CSMD3: variants seen among roughly 807,000 people sequenced by gnomAD.
CSMD3 encodes the protein CUB and sushi domain-containing protein 3.
Under a neutral mutation model 435.2 loss-of-function variants are expected in CSMD3, and 177 were observed. The ratio of observed to expected loss-of-function variants is 0.41; its 90% CI spans 0.36 to 0.46. The LOEUF is 0.46. CSMD3 is among the 20% of genes least tolerant of loss of function. CSMD3 has a pLI of 0.34. For missense variants in CSMD3, 4,265 were observed against 4,504.6 expected (o/e 0.95, Z 1.52); for synonymous variants, 1,656 against 1,520.5 (o/e 1.09, Z -2.07).
chr8:113,282,111 C>G (rs576789535), intron 2 of CSMD3, among the ~76,000 whole-genome samples: 2 of 151,968 alleles, frequency 1.3e-5, no homozygotes, highest in East Asian at 3.9e-4. Flanking sequence ...AAACCCATAG[C>G]CAACATAATA....
At chr8:112,276,328 T>C (rs1386534674) in intron 59 of CSMD3, among the ~76,000 whole-genome samples, 1 of 152,200 alleles carries the variant, frequency 6.6e-6, no homozygotes, top group Admixed American at 6.5e-5. Flanking sequence ...TGAGTAACTG[T>C]GACTTTTCCA....
intron 30 of CSMD3, among the ~76,000 whole-genome samples, chr8:112,497,731 A>G (rs1311565556): frequency 1.3e-5 from 2 of 152,024 alleles, no homozygotes; most frequent in Non-Finnish European, 2.9e-5. Context: ...TTTTACAATG[A>G]TCATTATAAA....
chr8:112,584,692 A>C (rs1260093716), intron 23 of CSMD3, among the ~76,000 whole-genome samples: 1 of 151,782 alleles, frequency 6.6e-6, no homozygotes, highest in African/African-American at 2.4e-5. Context: ...CATTCCAAAA[A>C]ATATAATCAA....
chr8:112,809,272 G>T (rs140327265), intron 12 of CSMD3, among the ~76,000 whole-genome samples: 20 of 152,096 alleles, frequency 1.3e-4, no homozygotes, highest in Non-Finnish European at 2.9e-5. Flanking sequence ...CAGGAGATTC[G>T]ATTTATCTGA....
intron 5 of CSMD3, among the ~76,000 whole-genome samples, chr8:113,070,355 A>G (rs1002671185): frequency 6.6e-6 from 1 of 152,076 alleles, no homozygotes; most frequent in African/African-American, 2.4e-5. Flanking sequence ...AGTAAAAAGG[A>G]TGAGAAAATT....
chr8:113,141,024 C>G (rs533214226), intron 4 of CSMD3, among the ~76,000 whole-genome samples: 38 of 149,408 alleles, frequency 2.5e-4, no homozygotes, highest in African/African-American at 9.0e-4. Context: ...CACTAAAGAC[C>G]CTGAAGATAG....
intron 42 of CSMD3, among the ~76,000 whole-genome samples, chr8:112,338,679 G>T (rs1288943357): frequency 2.0e-5 from 3 of 152,042 alleles, no homozygotes; most frequent in African/African-American, 7.2e-5. Flanking sequence ...TAGGACTAAA[G>T]ATTTCAGAAT....
At chr8:113,073,495 G>A (rs2089215133) in intron 5 of CSMD3, among the ~76,000 whole-genome samples, 1 of 151,914 alleles carries the variant, frequency 6.6e-6, no homozygotes, top group South Asian at 2.1e-4. Context: ...ACATGTAGGT[G>A]TAACCTGGTC....
At position 112,237,321 on chromosome 8, in the gene CSMD3, T is replaced by A; in HGVS notation, c.10496A>T (p.Tyr3499Phe). 6.2e-7 allele frequency: 1 copy of A among 1,612,554 alleles called. No homozygotes were observed. Among genetic ancestry groups the A allele is most frequent in the Non-Finnish European group, 8.5e-7 (1 of 1,178,722 alleles). ...SVPDDVFAQN[Y>F]IWKGSYNFKG... Reference sequence around the variant, plus strand: ...GAAATTGTAAGAGCCTTTCCATATATAATTTTGGGCAAATACATCATCAGG... The same window carrying A: ...GAAATTGTAAGAGCCTTTCCATATAAAATTTTGGGCAAATACATCATCAGG... The change falls in exon 67 of 71, where the codon TAT becomes TTT. Residue 3499 changes from tyrosine (Y) to phenylalanine (F), a missense_variant. Physicochemically the swap from Tyr to Phe is conservative, Grantham distance 22 (BLOSUM62 3). Around this residue, in one of 3 missense-constraint regions of CSMD3, gnomAD observed 3,255 missense variants for 3,380.2 expected, o/e 0.96. Transcript: ENST00000297405.
chr8:112,991,570 G>A (rs937787064), intron 6 of CSMD3, among the ~76,000 whole-genome samples: 5 of 151,768 alleles, frequency 3.3e-5, no homozygotes, highest in African/African-American at 9.7e-5. Context: ...TTATGTACAG[G>A]TGAGTAAATT....
chr8:112,581,656 G>A (rs1278081375), intron 23 of CSMD3, among the ~76,000 whole-genome samples: 1 of 152,008 alleles, frequency 6.6e-6, no homozygotes, highest in Admixed American at 6.6e-5. Flanking sequence ...TTTACTATAC[G>A]ACAAGCATTG....
intron 45 of CSMD3, among the ~76,000 whole-genome samples, chr8:112,321,275 A>C (rs570007689): frequency 1.3e-5 from 2 of 152,308 alleles, no homozygotes; most frequent in African/African-American, 4.8e-5. Flanking sequence ...AGAGCACACA[A>C]TTAGTACAGG....
rs148142729 is a variant in CSMD3, at chr8:113,075,867, G to T, written c.917+22889C>A. On this transcript the variant is annotated intron_variant, in intron 5 of 70. Coordinates refer to ENST00000297405, the MANE Select transcript of CSMD3 (RefSeq NM_198123.2). Reference sequence around the variant, plus strand: ...TTAAAGAATGCACCAGTGATATCCTGCAAAGATAAAAATATTCTATTGGCA... The same window carrying T: ...TTAAAGAATGCACCAGTGATATCCTTCAAAGATAAAAATATTCTATTGGCA... Among the ~76,000 whole-genome samples, 1,186 of 151,822 alleles carry T rather than the reference G, an allele frequency of 7.8e-3. 14 individuals are homozygous for T. The highest frequency in any genetic ancestry group is 0.027 in the African/African-American group (1,126 of 41,460).
chr8:112,357,588 A>G (rs760286383), intron 38 of CSMD3, among the ~76,000 whole-genome samples: 6 of 152,188 alleles, frequency 3.9e-5, no homozygotes, highest in Non-Finnish European at 8.8e-5. Context: ...ACAGGCCTAG[A>G]GGCCTAGGAG....
At position 112,741,794 on chromosome 8, in the gene CSMD3, A is replaced by AT. The variant is rs151301351; in HGVS notation, c.1973-51745_1973-51744insA. Among the ~76,000 whole-genome samples, 514 of 149,446 alleles carry AT rather than the reference A, an allele frequency of 3.4e-3. 1 individual carries two copies. The highest frequency in any genetic ancestry group is 5.4e-3 in the Non-Finnish European group (363 of 67,332). On this transcript the variant is annotated intron_variant, in intron 13 of 70. Transcript: ENST00000297405. Reference sequence around the variant, plus strand: ...AGATGATAGATAGATAGATAGAGAGAAGATAGATAGATAGATAGATAGATA... The same window carrying AT: ...AGATGATAGATAGATAGATAGAGAGATAGATAGATAGATAGATAGATAGATA...
intron 1 of CSMD3, among the ~76,000 whole-genome samples, chr8:113,328,420 A>G (rs1191595458): frequency 6.8e-6 from 1 of 148,068 alleles, no homozygotes; most frequent in Non-Finnish European, 1.5e-5. Flanking sequence ...CCTGGGCGAC[A>G]GAGCGAGACT....
chr8:112,383,770 A>C, intron 36 of CSMD3, 107 bp from the exon 37 acceptor site: 1 of 766,250 alleles, frequency 1.3e-6, no homozygotes. Flanking sequence ...TGAACCACAT[A>C]ATTGTGACCC....
intron 13 of CSMD3, among the ~76,000 whole-genome samples, chr8:112,784,415 A>C (rs187973220): frequency 6.6e-6 from 1 of 152,116 alleles, no homozygotes; most frequent in East Asian, 1.9e-4. Flanking sequence ...TCGTAGAAAC[A>C]ATAGAGATCA....
intron 36 of CSMD3, among the ~76,000 whole-genome samples, chr8:112,384,568 G>T (rs1253168673): frequency 2.0e-5 from 3 of 152,086 alleles, no homozygotes; most frequent in Non-Finnish European, 4.4e-5. Flanking sequence ...AGTTTTTTAA[G>T]CTAAAATCTG....
Sources: allele counts gnomAD v4.1 joint callset (sites outside exome capture counted in the v4.1 genomes callset), GRCh38; gene constraint gnomAD v4.1.1; regional missense constraint gnomAD v4.1.1; transcripts MANE v1.5; gene names NCBI Gene and HGNC (gene_info 2026-07-23, HGNC 2026-07-21).